Variants in CXCL12 observed in about 807,000 individuals in gnomAD.
CXCL12 encodes the protein C-X-C motif chemokine ligand 12.
A neutral mutation model predicts 10.7 loss-of-function variants in CXCL12; 4 were observed. The ratio of observed to expected loss-of-function variants is 0.37; its 90% CI spans 0.18 to 0.86. The LOEUF (loss-of-function observed/expected upper bound fraction) is 0.86. Ranked by LOEUF, CXCL12 falls within the 40% of genes least tolerant of loss-of-function variation. The pLI is 0.43. For missense variants in CXCL12, 122 were observed against 110.4 expected (o/e 1.10, Z -0.47); for synonymous variants, 54 against 45.4 (o/e 1.19, Z -0.77).
downstream of CXCL12, among the ~76,000 whole-genome samples, chr10:44,373,523 C>T (rs968667229): frequency 4.6e-5 from 7 of 152,214 alleles, no homozygotes; most frequent in Admixed American, 2.0e-4. Flanking sequence ...GAGTGCGAGA[C>T]GCAGCCAGGC....
At chr10:44,372,072 G>T (rs1031864084), downstream of CXCL12, 1 of 152,286 alleles carries the variant, frequency 6.6e-6, no homozygotes, top group Non-Finnish European at 1.5e-5. Context: ...GGAGATGATG[G>T]CATTGCCAAA....
At position 44,377,679 on chromosome 10, in the gene CXCL12, C is replaced by T. The variant is rs1031293947; in HGVS notation, c.*954G>A. The T allele has an allele frequency of 5.0e-5, 79 of 1,580,458 alleles. No individual in the cohort carries two copies. In the Admixed American group the frequency reaches 1.1e-3, roughly 23 times the overall value. On this transcript the variant is annotated 3_prime_UTR_variant, in exon 3 of 3. Transcript: ENST00000343575. Reference sequence around the variant, plus strand: ...AATCACAAAACCCAGTCACTCAAAGCGAGCTCTCAGATTTAAAATTGCATT... The same window carrying T: ...AATCACAAAACCCAGTCACTCAAAGTGAGCTCTCAGATTTAAAATTGCATT...
At chr10:44,374,696 A>G (rs1211872989), downstream of CXCL12, 4 of 455,926 alleles carry the variant, frequency 8.8e-6, no homozygotes, top group Non-Finnish European at 1.8e-5. Flanking sequence ...TGTGTCTGAC[A>G]TGCAGGGGTC....
Position 44,380,693 on chromosome 10 carries a change from C to G in CXCL12, c.179+70G>C, listed in dbSNP as rs147038711. On this transcript the variant is annotated intron_variant, in intron 2 of 2. Coordinates refer to ENST00000343575, the MANE Select transcript of CXCL12 (RefSeq NM_199168.4). ...TCACCTCTACACCTTTAATAAGACT[C>G]GGGTTAGATGTTACTATGTTCGTTA... 3 of 1,314,118 alleles carry G rather than the reference C, an allele frequency of 2.3e-6. No individual in the cohort carries two copies. In the African/African-American group the frequency reaches 4.4e-5, roughly 19 times the overall value. 81.4% of individuals were successfully genotyped at this position (1,314,118 alleles called of 1,614,324 possible).
At chr10:44,374,299 T>G, downstream of CXCL12, 1 of 377,538 alleles carries the variant, frequency 2.6e-6, no homozygotes, top group Non-Finnish European at 5.2e-6. Context: ...CCCTGCTGCA[T>G]GTGGAGTCCG....
chr10:44,372,406 C>T (rs139519945), downstream of CXCL12: 1 of 182,100 alleles, frequency 5.5e-6, no homozygotes, highest in Non-Finnish European at 1.1e-5. Flanking sequence ...CTCAAAGGGC[C>T]CAAGGAGCAT....
chr10:44,372,711 G>C (rs992389989), downstream of CXCL12: 4 of 1,426,850 alleles, frequency 2.8e-6, no homozygotes, highest in African/African-American at 5.8e-5. Flanking sequence ...GGAGGATGTG[G>C]AGGTGCTCGG....
chr10:44,385,045 C>CG lies in CXCL12; in HGVS notation c.-41dup. Reference sequence around the variant, plus strand: ...GGCGGGCGGGCGGACGAGCGCGGGTCGGGGGCCGGACGCCGAGCGGGCAAT... The same window carrying CG: ...GGCGGGCGGGCGGACGAGCGCGGGTCGGGGGGCCGGACGCCGAGCGGGCAAT... On this transcript the variant is annotated 5_prime_UTR_variant, in exon 1 of 3. Coordinates refer to ENST00000343575, the MANE Select transcript of CXCL12 (RefSeq NM_199168.4). 1 of 1,406,510 alleles carries CG rather than the reference C, an allele frequency of 7.1e-7. No individual in the cohort carries two copies. Among genetic ancestry groups the CG allele is most frequent in the Non-Finnish European group, 9.4e-7 (1 of 1,065,290 alleles). The allele number at this position is 1,406,510 out of a possible 1,614,324, so 87.1% of individuals were successfully genotyped here. A position where few individuals can be genotyped will look rare whatever the true frequency, so the allele number is the denominator to read the frequency against.
chr10:44,374,188 T>G (rs1200120214), downstream of CXCL12: 1 of 341,884 alleles, frequency 2.9e-6, no homozygotes, highest in Non-Finnish European at 5.8e-6. Context: ...AGCAAGCAGT[T>G]TGTATCCTCA....
chr10:44,375,797 G>C, downstream of CXCL12: 2 of 1,466,692 alleles, frequency 1.4e-6, no homozygotes, highest in Non-Finnish European at 1.8e-6. Flanking sequence ...GGTGTGGCTG[G>C]CAGGGCAGCA....
chr10:44,377,286 TGAG>T lies in CXCL12; in HGVS notation c.*1344_*1346del, dbSNP rs1475086498. On this transcript the variant is annotated 3_prime_UTR_variant, in exon 3 of 3. Transcript: ENST00000343575. ...ATTTCTTTACAAATTGCCAGTAGTT[TGAG>T]ATAATAGAGAAGTATAAACTACTGA... is the stretch of plus-strand genomic sequence containing the variant. The T allele has an allele frequency of 4.0e-6, 4 of 993,748 alleles. No homozygotes were observed. The African/African-American group carries it at 7.0e-5, about 17-fold the overall frequency. The allele number at this position is 993,748 out of a possible 1,614,324, so 61.6% of individuals were successfully genotyped here.
Position 44,384,999 on chromosome 10 carries a change from C to T in CXCL12, c.7G>A (p.Ala3Thr), listed in dbSNP as rs779496410. 2 of 832,062 alleles carry T rather than the reference C, an allele frequency of 2.4e-6. No homozygotes were observed. Among genetic ancestry groups the T allele is most frequent in the Non-Finnish European group, 3.3e-6 (2 of 605,880 alleles). The allele number at this position is 832,062 out of a possible 1,614,324, so 51.5% of individuals were successfully genotyped here. Residue 3 changes from alanine to threonine, a missense_variant, in exon 1 of 3, where the codon GCC (alanine) becomes ACC (threonine). Physicochemically the swap from Ala to Thr is moderately conservative, Grantham distance 58. Transcript: ENST00000343575. ...AGGACCAGCACGACCACGACCTTGG[C>T]GTTCATGGCGCGGGCGGGCGGGCGG... MN[A>T]KVVVVLVLVL...
At chr10:44,379,915 A>T (rs1335924504) in intron 2 of CXCL12, among the ~76,000 whole-genome samples, 1 of 152,250 alleles carries the variant, frequency 6.6e-6, no homozygotes, top group African/African-American at 2.4e-5. Flanking sequence ...AACTAAAAAC[A>T]GTTTTCTAAA....
rs138862128 is a variant in CXCL12, at chr10:44,380,811, A to G, written c.131T>C (p.Val44Ala). 741 of 1,614,080 alleles carry G rather than the reference A, an allele frequency of 4.6e-4. 1 individual carries two copies. The highest frequency in any genetic ancestry group is 5.1e-4 in the Non-Finnish European group (602 of 1,180,046). Reference sequence around the variant, plus strand: ...AGTGTTGAGAATTTTGAGATGCTTGACGTTGGCTCTGGCAACATGGCTTTC... The same window carrying G: ...AGTGTTGAGAATTTTGAGATGCTTGGCGTTGGCTCTGGCAACATGGCTTTC... ...FFESHVARAN[V>A]KHLKILNTPN... The change falls in exon 2 of 3, where the codon GTC becomes GCC. Residue 44 changes from valine to alanine, a missense_variant. Physicochemically the swap from Val to Ala is moderately conservative, Grantham distance 64. Transcript: ENST00000343575.
chr10:44,378,039 C>A lies in CXCL12; in HGVS notation c.*594G>T, dbSNP rs1440925443. The A allele has an allele frequency of 4.8e-5, 71 of 1,484,368 alleles. No individual in the cohort carries two copies. The highest frequency in any genetic ancestry group is 6.1e-5 in the Non-Finnish European group (69 of 1,128,462). The allele number at this position is 1,484,368 out of a possible 1,614,324, so 91.9% of individuals were successfully genotyped here. ...TCTACATGGAGCCCACAGAGCCAAT[C>A]ACTGAGGTTGAAAGAGGAGGTGAAG... On this transcript the variant is annotated 3_prime_UTR_variant, in exon 3 of 3. Coordinates refer to ENST00000343575, the MANE Select transcript of CXCL12 (RefSeq NM_199168.4).
intron 2 of CXCL12, chr10:44,380,368 T>G: frequency 5.3e-6 from 1 of 186,952 alleles, no homozygotes; most frequent in Non-Finnish European, 1.1e-5. Flanking sequence ...GTCTTGTGAG[T>G]TAATGTAGGG....
At chr10:44,380,258 C>G (rs1839589624) in intron 2 of CXCL12, among the ~76,000 whole-genome samples, 1 of 152,242 alleles carries the variant, frequency 6.6e-6, no homozygotes, top group Admixed American at 6.5e-5. Context: ...CACCAAATAA[C>G]ACCAAAACCT....
At chr10:44,373,903 C>T (rs1319219087), downstream of CXCL12, among the ~76,000 whole-genome samples, 3 of 152,190 alleles carry the variant, frequency 2.0e-5, no homozygotes, top group Non-Finnish European at 4.4e-5. Context: ...GTGACCATAG[C>T]GCACCCCTCA....
chr10:44,382,616 C>A (rs17886196), intron 1 of CXCL12, among the ~76,000 whole-genome samples: 1 of 152,082 alleles, frequency 6.6e-6, no homozygotes, highest in South Asian at 2.1e-4. Flanking sequence ...CTCTGGCCCC[C>A]CAACCAAGCA....
Sources: gnomAD v4.1 joint callset for allele counts (sites outside exome capture counted in the v4.1 genomes callset) on GRCh38, gnomAD v4.1.1 for gene constraint, MANE v1.5 for transcripts, NCBI Gene and HGNC (gene_info 2026-07-23, HGNC 2026-07-21) for gene names.